ZNF569: variants seen among roughly 807,000 people sequenced by gnomAD.
The protein encoded by ZNF569 is DNA-binding protein.
ZNF569 carries 38 observed loss-of-function variants against 56.3 expected under a neutral mutation model. The ratio of observed to expected loss-of-function variants is 0.68; its 90% CI spans 0.52 to 0.88. The LOEUF (loss-of-function observed/expected upper bound fraction) is 0.88. Among genes scored for constraint, ZNF569 ranks in the 40% least tolerant of loss-of-function variants. The pLI is 0.00. For missense variants in ZNF569, 666 were observed against 809.2 expected, an observed-to-expected ratio of 0.82 and a Z score of 2.15; for synonymous variants, 241 against 262.9, an observed-to-expected ratio of 0.92 and a Z score of 0.81.
Position 37,425,946 on chromosome 19 carries a change from G to A in ZNF569, c.160C>T (p.Pro54Ser). 1 of 1,613,836 alleles carries A rather than the reference G, an allele frequency of 6.2e-7. No individual in the cohort carries two copies. Among genetic ancestry groups the A allele is most frequent in the South Asian group, 1.1e-5 (1 of 91,060 alleles). Residue 54 changes from proline (P) to serine (S), a missense_variant, in exon 5 of 6, where the codon CCT becomes TCT. Physicochemically the swap from Pro to Ser is moderately conservative, Grantham distance 74. Coordinates refer to ENST00000316950, the MANE Select transcript of ZNF569 (RefSeq NM_152484.3). ...TGCTCCAATTTGAAAATCACATCAG[G>A]TTTGGTGAACGGATAGCCTGTCAAA... is the stretch of plus-strand genomic sequence containing the variant. Reference protein sequence around the residue: ...LITVGYPFTKPDVIFKLEQEE... With the variant: ...LITVGYPFTKSDVIFKLEQEE...
intron 2 of ZNF569, among the ~76,000 whole-genome samples, chr19:37,448,957 A>C (rs1040625074): frequency 1.3e-5 from 2 of 152,168 alleles, no homozygotes; most frequent in East Asian, 3.9e-4. Flanking sequence ...AATTATTTAT[A>C]TCATGTAATG....
At chr19:37,465,828 G>A (rs759420478) in intron 1 of ZNF569, among the ~76,000 whole-genome samples, 1 of 152,196 alleles carries the variant, frequency 6.6e-6, no homozygotes, top group East Asian at 1.9e-4. Context: ...ATTTAAACAC[G>A]TGCCAAATAG....
At chr19:37,430,312 GAAAT>G (rs1354105800) in intron 3 of ZNF569, among the ~76,000 whole-genome samples, 1 of 151,816 alleles carries the variant, frequency 6.6e-6, no homozygotes, top group Non-Finnish European at 1.5e-5. Flanking sequence ...AAAAATCAAA[GAAAT>G]AATGGCTGAA....
chr19:37,419,243 G>C (rs2040988086), intron 5 of ZNF569, among the ~76,000 whole-genome samples: 1 of 152,062 alleles, frequency 6.6e-6, no homozygotes, highest in Non-Finnish European at 1.5e-5. Flanking sequence ...TTTACTGATA[G>C]TTTACATAAA....
intron 2 of ZNF569, among the ~76,000 whole-genome samples, chr19:37,450,069 T>C (rs1187468096): frequency 6.6e-6 from 1 of 152,188 alleles, no homozygotes; most frequent in Non-Finnish European, 1.5e-5. Flanking sequence ...TTTCTAGTAT[T>C]TTGTTGGGGA....
intron 5 of ZNF569, among the ~76,000 whole-genome samples, chr19:37,420,512 G>C (rs1438387735): frequency 1.3e-5 from 2 of 152,116 alleles, no homozygotes; most frequent in East Asian, 1.9e-4. Context: ...ACCAGGAGTA[G>C]ATCCTAAAGA....
At chr19:37,425,296 C>T (rs961266980) in intron 5 of ZNF569, among the ~76,000 whole-genome samples, 13 of 150,254 alleles carry the variant, frequency 8.7e-5, no homozygotes, top group African/African-American at 2.0e-4. Flanking sequence ...GGATCATAAG[C>T]GTATGCCACC....
chr19:37,448,905 C>CCCT (rs1172689416), intron 2 of ZNF569, among the ~76,000 whole-genome samples: 2 of 151,990 alleles, frequency 1.3e-5, no homozygotes, highest in Non-Finnish European at 2.9e-5. Context: ...TGCTTGTTTC[C>CCCT]CCTCTAGTTT....
In ZNF569 at chr19:37,412,527, T is replaced by A; in HGVS notation, c.*70A>T. The A allele has an allele frequency of 6.7e-7, 1 of 1,499,060 alleles. No homozygotes were observed. Among genetic ancestry groups the A allele is most frequent in the Non-Finnish European group, 8.9e-7 (1 of 1,127,072 alleles). 92.9% of individuals were successfully genotyped at this position (1,499,060 alleles called of 1,614,324 possible). The stretch of plus-strand genomic sequence containing the variant: ...TCATAGTTTTCTACTCTGGAAGTGA[T>A]CATGTAATGTGCAATGAGGTGTTAA... On this transcript the variant is annotated 3_prime_UTR_variant, in exon 6 of 6. Coordinates refer to ENST00000316950, the MANE Select transcript of ZNF569 (RefSeq NM_152484.3).
Position 37,411,456 on chromosome 19 carries a change from G to C in ZNF569, c.*1141C>G, listed in dbSNP as rs528725326. 6.6e-6 allele frequency: 1 copy of C among 152,044 alleles called. No individual in the cohort carries two copies. Among genetic ancestry groups the C allele is most frequent in the East Asian group, 1.9e-4 (1 of 5,184 alleles). The allele number at this position is 152,044 out of a possible 1,614,324, so 9.4% of individuals were successfully genotyped here. On this transcript the variant is annotated 3_prime_UTR_variant, in exon 6 of 6. Coordinates refer to ENST00000316950, the MANE Select transcript of ZNF569 (RefSeq NM_152484.3). The stretch of plus-strand genomic sequence containing the variant: ...ACACTTATTCATCTATTCCACAATT[G>C]ATAAAAATTTGTTATATCCAATTTT...
chr19:37,414,870 A>T (rs1568714203), intron 5 of ZNF569, among the ~76,000 whole-genome samples: 1 of 152,118 alleles, frequency 6.6e-6, no homozygotes, highest in East Asian at 1.9e-4. Context: ...GATGCAAAAA[A>T]CTTATCTAAA....
chr19:37,427,254 T>C (rs1382299467), intron 3 of ZNF569, among the ~76,000 whole-genome samples: 1 of 151,666 alleles, frequency 6.6e-6, no homozygotes, highest in Non-Finnish European at 1.5e-5. Context: ...GAGGTGGAGG[T>C]TGCAGTGAGT....
intron 3 of ZNF569, among the ~76,000 whole-genome samples, chr19:37,432,431 T>C (rs1280586145): frequency 6.6e-6 from 1 of 152,226 alleles, no homozygotes; most frequent in Admixed American, 6.5e-5. Flanking sequence ...TCTATGATTC[T>C]GTAAGAGCCA....
intron 5 of ZNF569, among the ~76,000 whole-genome samples, chr19:37,414,695 T>C (rs1438610713): frequency 2.0e-5 from 3 of 151,900 alleles, no homozygotes; most frequent in East Asian, 1.9e-4. Flanking sequence ...GGTAAATAAA[T>C]AGGAAATGCA....
Position 37,411,929 on chromosome 19 carries a change from T to C in ZNF569, c.*668A>G, listed in dbSNP as rs1026393814. ...AATAAGTACATGATATATCTAATAA[T>C]AGAGTGTGTCTTCTCTACTTGCTTT... On this transcript the variant is annotated 3_prime_UTR_variant, in exon 6 of 6. Coordinates refer to ENST00000316950, the MANE Select transcript of ZNF569 (RefSeq NM_152484.3). The C allele has an allele frequency of 5.3e-5, 8 of 152,086 alleles. No homozygotes were observed. In the East Asian group the frequency reaches 9.6e-4, roughly 18 times the overall value. 9.4% of individuals were successfully genotyped at this position (152,086 alleles called of 1,614,324 possible).
chr19:37,454,498 A>C (rs1046674713), intron 2 of ZNF569, among the ~76,000 whole-genome samples: 24 of 151,812 alleles, frequency 1.6e-4, no homozygotes, highest in African/African-American at 5.1e-4. Context: ...ACTCCCAGAG[A>C]TATTACTTTT....
At chr19:37,443,183 C>T (rs1223906748) in intron 3 of ZNF569, among the ~76,000 whole-genome samples, 3 of 152,130 alleles carry the variant, frequency 2.0e-5, no homozygotes, top group Non-Finnish European at 4.4e-5. Flanking sequence ...CCTGTCTCTA[C>T]TAAAAACACA....
intron 2 of ZNF569, among the ~76,000 whole-genome samples, chr19:37,458,549 A>G (rs919438309): frequency 2.1e-4 from 32 of 151,940 alleles, no homozygotes; most frequent in Non-Finnish European, 3.7e-4. Flanking sequence ...ATATCCGTCT[A>G]TGTAGATCTA....
intron 5 of ZNF569, among the ~76,000 whole-genome samples, chr19:37,425,221 G>A (rs1030522301): frequency 6.6e-6 from 1 of 151,752 alleles, no homozygotes; most frequent in African/African-American, 2.4e-5. Flanking sequence ...CTGTGATCAT[G>A]GCTTACTGTA....
Sources: allele counts gnomAD v4.1 joint callset (sites outside exome capture counted in the v4.1 genomes callset), GRCh38; gene constraint gnomAD v4.1.1; transcripts MANE v1.5; gene names NCBI Gene and HGNC (gene_info 2026-07-23, HGNC 2026-07-21).